Variants in SEL1L3 observed in about 807,000 individuals in gnomAD.
SEL1L3 encodes SEL1L family member 3.
In SEL1L3, 76 loss-of-function variants were observed where a neutral mutation model predicts 142.8. The ratio of observed to expected loss-of-function variants is 0.53; its 90% CI spans 0.44 to 0.64. The LOEUF (loss-of-function observed/expected upper bound fraction) is 0.64. Among genes scored for constraint, SEL1L3 ranks in the 30% least tolerant of loss-of-function variants. The pLI, the probability that SEL1L3 is intolerant of heterozygous loss-of-function variation, is 0.00. For missense variants in SEL1L3, 1,262 were observed against 1,381.7 expected, an observed-to-expected ratio of 0.91 and a Z score of 1.37; for synonymous variants, 504 against 519.6, an observed-to-expected ratio of 0.97 and a Z score of 0.41.
intron 2 of SEL1L3, among the ~76,000 whole-genome samples, chr4:25,837,498 G>A (rs971391366): frequency 1.3e-5 from 2 of 151,562 alleles, no homozygotes; most frequent in Non-Finnish European, 2.9e-5. Context: ...TCAAACGGGA[G>A]AACTTGCCGC....
chr4:25,812,714 G>GAAA (rs35102531), intron 9 of SEL1L3, among the ~76,000 whole-genome samples: 5 of 112,110 alleles, frequency 4.5e-5, no homozygotes, highest in South Asian at 2.9e-4. Context: ...CTCTGTCTCA[G>GAAA]AAAAAAAAAA....
chr4:25,806,507 A>T (rs1713588036), intron 9 of SEL1L3, among the ~76,000 whole-genome samples: 1 of 152,132 alleles, frequency 6.6e-6, no homozygotes, highest in African/African-American at 2.4e-5. Flanking sequence ...TGAGATCAGA[A>T]GGACCCACAG....
At chr4:25,756,433 C>T (rs933369424) in intron 23 of SEL1L3, 1 of 985,100 alleles carries the variant, frequency 1.0e-6, no homozygotes, top group Non-Finnish European at 1.2e-6. Context: ...ATAAATATAA[C>T]AGCTAACGTT....
chr4:25,804,107 C>G (rs1247438424), intron 10 of SEL1L3, among the ~76,000 whole-genome samples: 1 of 152,190 alleles, frequency 6.6e-6, no homozygotes, highest in African/African-American at 2.4e-5. Flanking sequence ...AGAAATGAAG[C>G]CGTCTGGTAT....
At chr4:25,820,110 T>G (rs563268474) in intron 7 of SEL1L3, among the ~76,000 whole-genome samples, 170 bp from the exon 8 acceptor site, 1 of 152,318 alleles carries the variant, frequency 6.6e-6, no homozygotes, top group South Asian at 2.1e-4. Flanking sequence ...TGGTACTAAT[T>G]CAAGGACATG....
At chr4:25,831,831 C>A (rs1162060898) in intron 5 of SEL1L3, among the ~76,000 whole-genome samples, 1 of 152,096 alleles carries the variant, frequency 6.6e-6, no homozygotes, top group Non-Finnish European at 1.5e-5. Context: ...CATCTGGCAA[C>A]TAAGCTCGCT....
At chr4:25,855,918 T>G (rs1011846571) in intron 1 of SEL1L3, among the ~76,000 whole-genome samples, 1 of 152,232 alleles carries the variant, frequency 6.6e-6, no homozygotes, top group Admixed American at 6.5e-5. Flanking sequence ...CCATCATTTC[T>G]CTATTTTTCT....
intron 5 of SEL1L3, 105 bp downstream of exon 5, chr4:25,832,890 C>A: frequency 1.5e-6 from 1 of 672,334 alleles, no homozygotes; most frequent in South Asian, 1.8e-5. Context: ...TATCATTTAC[C>A]ACAAATTTGC....
At position 25,806,258 on chromosome 4, in the gene SEL1L3, G is replaced by C. The variant is rs570346004; in HGVS notation, c.1565-1506C>G. On this transcript the variant is annotated intron_variant, in intron 9 of 23. Transcript: ENST00000399878. ...TTCACCGTGTTAGCCAGGATGGTCTGGATTTCCTGACGTCGTGATCCGCCC... is the reference window on the plus strand; with the variant it reads ...TTCACCGTGTTAGCCAGGATGGTCTCGATTTCCTGACGTCGTGATCCGCCC... 7.1e-3 allele frequency among the ~76,000 whole-genome samples: 1,072 copies of C among 151,812 alleles called. 3 individuals carry two copies. Among genetic ancestry groups the C allele is most frequent in the Non-Finnish European group, 0.011 (764 of 67,872 alleles).
intron 11 of SEL1L3, among the ~76,000 whole-genome samples, chr4:25,799,276 T>G (rs549492587): frequency 6.6e-6 from 1 of 152,118 alleles, no homozygotes; most frequent in Non-Finnish European, 1.5e-5. Context: ...GGTCTCACTA[T>G]GTTGCCCAGA....
chr4:25,748,546 C>G lies in SEL1L3; in HGVS notation c.3278G>C (p.Arg1093Thr). The part of the protein sequence containing the change: ...QSVSASDPPP[R>T]PSQASPDTAT... ...AGTGTCTGGGGAGGCCTGGGATGGT[C>G]TTGGAGGGGGATCGCTTGCTGCAGA... The change falls in exon 24 of 24, where the codon AGA becomes ACA. Residue 1093 changes from arginine (R) to threonine (T), a missense_variant. Transcript: ENST00000399878. 6.2e-7 allele frequency: 1 copy of G among 1,611,060 alleles called. No individual in the cohort carries two copies.
At chr4:25,855,629 C>T (rs781562435) in intron 1 of SEL1L3, among the ~76,000 whole-genome samples, 6 of 152,056 alleles carry the variant, frequency 3.9e-5, no homozygotes, top group South Asian at 2.1e-4. Flanking sequence ...GGTGTGGTGG[C>T]GGGCACCGGT....
chr4:25,756,111 T>C (rs1467461873), intron 23 of SEL1L3: 1 of 985,298 alleles, frequency 1.0e-6, no homozygotes, highest in African/African-American at 1.7e-5. Context: ...TGCACCCCTT[T>C]CACTTTCCAT....
chr4:25,860,753 A>T (rs764154983), intron 1 of SEL1L3: 6 of 152,200 alleles, frequency 3.9e-5, no homozygotes, highest in Non-Finnish European at 8.8e-5. Flanking sequence ...CCCCAAATCC[A>T]TTCCTTCCCC....
intron 23 of SEL1L3, 137 bp downstream of exon 23, chr4:25,757,397 G>A (rs1029339512): frequency 1.5e-6 from 1 of 683,212 alleles, no homozygotes. Flanking sequence ...GACCACCCTA[G>A]GGATAGGAGA....
chr4:25,767,074 C>T (rs1718794321), intron 19 of SEL1L3, among the ~76,000 whole-genome samples: 1 of 152,086 alleles, frequency 6.6e-6, no homozygotes, highest in African/African-American at 2.4e-5. Flanking sequence ...GGTGGATCAC[C>T]TGAGGTCAGG....
chr4:25,785,439 C>G (rs1415672211), intron 13 of SEL1L3, among the ~76,000 whole-genome samples: 1 of 152,206 alleles, frequency 6.6e-6, no homozygotes, highest in African/African-American at 2.4e-5. Context: ...TCTCTATTTT[C>G]TTCTGCCTAT....
chr4:25,771,819 T>C (rs907105171), intron 17 of SEL1L3, among the ~76,000 whole-genome samples: 6 of 152,360 alleles, frequency 3.9e-5, no homozygotes, highest in African/African-American at 1.4e-4. Flanking sequence ...ACAGCTGGTC[T>C]TTCCTTGGCT....
At chr4:25,748,635 G>C in intron 23 of SEL1L3, 71 bp from the exon 24 acceptor site, 1 of 1,514,456 alleles carries the variant, frequency 6.6e-7, no homozygotes, top group Non-Finnish European at 8.9e-7. Flanking sequence ...ACCACACCTA[G>C]AGACTCTGGC....
Sources: gnomAD v4.1 joint callset for allele counts (sites outside exome capture counted in the v4.1 genomes callset) on GRCh38, gnomAD v4.1.1 for gene constraint, MANE v1.5 for transcripts, NCBI Gene and HGNC (gene_info 2026-07-23, HGNC 2026-07-21) for gene names.